PCDHGC3: variants seen among roughly 807,000 people sequenced by gnomAD.
PCDHGC3 encodes the protein protocadherin gamma subfamily C, 3, also known as protocadherin gamma-C3.
PCDHGC3 carries 26 observed loss-of-function variants against 59.2 expected under a neutral mutation model. The ratio of observed to expected loss-of-function variants is 0.44; its 90% CI spans 0.32 to 0.61. The LOEUF is 0.61. PCDHGC3 is among the 20% of genes least tolerant of loss of function. PCDHGC3 has a pLI of 0.05. For synonymous variants in PCDHGC3, 487 were observed against 519.7 expected (o/e 0.94, Z 0.86); for missense variants, 1,080 against 1,221.8 (o/e 0.88, Z 1.73).
At position 141,490,821 on chromosome 5, in the gene PCDHGC3, G is replaced by A. The variant is rs907584239; in HGVS notation, c.2431-3986G>A. On this transcript the variant is annotated intron_variant, in intron 1 of 3. Transcript: ENST00000308177. The surrounding 1 kb of genome is among the most constrained non-coding windows in gnomAD (Gnocchi z 5.4). ...AGCGTACCTTTGACTATGAATTGCT[G>A]CAGATGCTGCAGATTGTGGTGGGGG... 6.2e-7 allele frequency: 1 copy of A among 1,613,876 alleles called. No homozygotes were observed. Among genetic ancestry groups the A allele is most frequent in the Non-Finnish European group, 8.5e-7 (1 of 1,179,826 alleles).
Position 141,476,380 on chromosome 5 carries a change from G to C in PCDHGC3, c.264G>C (p.Val88=). 1 of 1,614,154 alleles carries C rather than the reference G, an allele frequency of 6.2e-7. No homozygotes were observed. The highest frequency in any genetic ancestry group is 8.5e-7 in the Non-Finnish European group (1 of 1,180,042). Residue 88 remains valine (V), a synonymous_variant, in exon 1 of 4, where the codon GTG becomes GTC. Coordinates refer to ENST00000308177, the MANE Select transcript of PCDHGC3 (RefSeq NM_002588.4). The surrounding 1 kb of genome is among the most constrained non-coding windows in gnomAD (Gnocchi z 7.6). ...EVNRETGEMF[V]NDRLDREELC... is the part of the protein sequence containing the mutation. ...ACCGGGAGACCGGAGAGATGTTTGT[G>C]AACGACCGTCTGGATCGAGAGGAGC... is the stretch of plus-strand genomic sequence containing the variant.
chr5:141,484,530 A>G (rs1406516272), intron 1 of PCDHGC3, among the ~76,000 whole-genome samples: 1 of 152,200 alleles, frequency 6.6e-6, no homozygotes, highest in East Asian at 1.9e-4. Context: ...TTTTGAGTAT[A>G]TGGCAGTGGT....
In PCDHGC3 at chr5:141,487,818, G is replaced by A. The variant is rs1009237001; in HGVS notation, c.2431-6989G>A. On this transcript the variant is annotated intron_variant, in intron 1 of 3. Coordinates refer to ENST00000308177, the MANE Select transcript of PCDHGC3 (RefSeq NM_002588.4). This position sits in a 1 kb window ranked among gnomAD's most constrained non-coding sequence, Gnocchi z 5.0. ...GAGTTGTCACAGTTTAGCATTGGGG[G>A]CGGGTCATGCCTATATCTGAGTAAG... The A allele has an allele frequency of 1.2e-4, 158 of 1,331,596 alleles. No homozygotes were observed. The highest frequency in any genetic ancestry group is 1.4e-4 in the Non-Finnish European group (140 of 970,524). 82.5% of individuals were successfully genotyped at this position (1,331,596 alleles called of 1,614,324 possible). A position where few individuals can be genotyped will look rare whatever the true frequency, so the allele number is the denominator to read the frequency against.
intron 1 of PCDHGC3, chr5:141,492,006 G>T (rs2099736069): frequency 7.8e-6 from 5 of 643,420 alleles, no homozygotes; most frequent in Non-Finnish European, 1.3e-5. Context: ...GGCGATTTCC[G>T]CGGGTGTCGG....
chr5:141,489,354 G>A lies in PCDHGC3; in HGVS notation c.2431-5453G>A, dbSNP rs773010251. On this transcript the variant is annotated intron_variant, in intron 1 of 3. Coordinates refer to ENST00000308177, the MANE Select transcript of PCDHGC3 (RefSeq NM_002588.4). The surrounding 1 kb of genome is among the most constrained non-coding windows in gnomAD (Gnocchi z 4.5). ...AGCTTCGTTACTCAGTGGTGGAGGA[G>A]TCTGAGCCGGGGACGCTGGTGGGGA... The A allele has an allele frequency of 1.2e-5, 19 of 1,612,796 alleles. No homozygotes were observed. Among genetic ancestry groups the A allele is most frequent in the East Asian group, 2.2e-5 (1 of 44,868 alleles).
At position 141,478,063 on chromosome 5, in the gene PCDHGC3, A is replaced by G; in HGVS notation, c.1947A>G (p.Lys649=). Residue 649 remains lysine, a synonymous_variant, in exon 1 of 4, where the codon AAA becomes AAG. Transcript: ENST00000308177. ...SPRQTLTVLI[K]DNGEPSLSTT... ...GGCAGACTCTCACGGTCTTGATCAAAGACAATGGGGAGCCTTCGCTCTCCA... is the reference window on the plus strand; with the variant it reads ...GGCAGACTCTCACGGTCTTGATCAAGGACAATGGGGAGCCTTCGCTCTCCA... 6.2e-7 allele frequency: 1 copy of G among 1,614,168 alleles called. No homozygotes were observed. The highest frequency in any genetic ancestry group is 8.5e-7 in the Non-Finnish European group (1 of 1,180,036).
chr5:141,502,667 T>G (rs2099815574), intron 2 of PCDHGC3, among the ~76,000 whole-genome samples: 1 of 152,236 alleles, frequency 6.6e-6, no homozygotes. Context: ...TTCATGCAAT[T>G]TTAGTATTCC....
At chr5:141,483,854 T>C (rs2154580004) in intron 1 of PCDHGC3, among the ~76,000 whole-genome samples, 1 of 152,236 alleles carries the variant, frequency 6.6e-6, no homozygotes, top group South Asian at 2.1e-4. Flanking sequence ...ATTAAGAAAT[T>C]TCATGTCCAG....
intron 1 of PCDHGC3, among the ~76,000 whole-genome samples, chr5:141,488,661 G>T (rs573211567): frequency 6.6e-6 from 1 of 152,246 alleles, no homozygotes; most frequent in African/African-American, 2.4e-5. Context: ...GGAGGGTGGG[G>T]GAATACATGG....
chr5:141,487,058 C>T lies in PCDHGC3; in HGVS notation c.2431-7749C>T, dbSNP rs775720601. 23 of 1,613,980 alleles carry T rather than the reference C, an allele frequency of 1.4e-5. No individual in the cohort carries two copies. The highest frequency in any genetic ancestry group is 1.0e-4 in the Admixed American group (6 of 59,996). ...AGTCTCTCGATATGCTGGGGAGGTGCGGACGGCTGTTCCTATCCCAGCTGA... is the reference window on the plus strand; with the variant it reads ...AGTCTCTCGATATGCTGGGGAGGTGTGGACGGCTGTTCCTATCCCAGCTGA... On this transcript the variant is annotated intron_variant, in intron 1 of 3. Transcript: ENST00000308177. The surrounding 1 kb of genome is among the most constrained non-coding windows in gnomAD (Gnocchi z 5.0).
At chr5:141,505,081 G>A (rs2099843521) in intron 2 of PCDHGC3, among the ~76,000 whole-genome samples, 3 of 152,146 alleles carry the variant, frequency 2.0e-5, no homozygotes, top group Admixed American at 2.0e-4. Flanking sequence ...AGAATCGCTT[G>A]AACCCAGGAG....
intron 2 of PCDHGC3, among the ~76,000 whole-genome samples, chr5:141,504,355 C>T (rs974022699): frequency 6.6e-6 from 1 of 152,078 alleles, no homozygotes; most frequent in Non-Finnish European, 1.5e-5. Flanking sequence ...GTGCTAGGTG[C>T]TTCAGTAGGA....
rs757924501 is a variant in PCDHGC3, at chr5:141,490,548, A to G, written c.2431-4259A>G. 1.2e-6 allele frequency: 2 copies of G among 1,614,084 alleles called. No individual in the cohort carries two copies. Among genetic ancestry groups the G allele is most frequent in the South Asian group, 2.2e-5 (2 of 91,080 alleles). ...ATGCTGGTTCACCTTCCCTACACAA[A>G]CATCTCACCATCAGGCTCAACATTT... On this transcript the variant is annotated intron_variant, in intron 1 of 3. Transcript: ENST00000308177. This position sits in a 1 kb window ranked among gnomAD's most constrained non-coding sequence, Gnocchi z 5.4.
chr5:141,499,275 C>T (rs1259707742), intron 2 of PCDHGC3, among the ~76,000 whole-genome samples: 1 of 152,178 alleles, frequency 6.6e-6, no homozygotes, highest in African/African-American at 2.4e-5. Flanking sequence ...CTAGACTGTT[C>T]TCTGATGGCT....
chr5:141,485,060 G>C lies in PCDHGC3; in HGVS notation c.2430+6514G>C. ...ACCCTTGCGGCGCCGGCCGAACCGCGCCAGAGCTGGCGCGGGGAAAGGGAG... is the reference window on the plus strand; with the variant it reads ...ACCCTTGCGGCGCCGGCCGAACCGCCCCAGAGCTGGCGCGGGGAAAGGGAG... On this transcript the variant is annotated intron_variant, in intron 1 of 3. Transcript: ENST00000308177. This position sits in a 1 kb window ranked among gnomAD's most constrained non-coding sequence, Gnocchi z 5.7. 1 of 862,304 alleles carries C rather than the reference G, an allele frequency of 1.2e-6. No individual in the cohort carries two copies. The highest frequency in any genetic ancestry group is 1.9e-6 in the Non-Finnish European group (1 of 540,422). 53.4% of individuals were successfully genotyped at this position (862,304 alleles called of 1,614,324 possible).
intron 1 of PCDHGC3, 51 bp downstream of exon 1, chr5:141,478,597 C>T: frequency 6.4e-7 from 1 of 1,567,010 alleles, no homozygotes; most frequent in Non-Finnish European, 8.7e-7. Flanking sequence ...TTTATTCCTA[C>T]ATCATATTGA....
rs758172004 is a variant in PCDHGC3, at chr5:141,477,909, C to T, written c.1793C>T (p.Ala598Val). Residue 598 changes from alanine to valine, a missense_variant, in exon 1 of 4, where the codon GCG becomes GTG. Transcript: ENST00000308177. This position sits in a 1 kb window ranked among gnomAD's most constrained non-coding sequence, Gnocchi z 4.9. ...HLVSRVVGWD[A>V]DAGHNAWLSY... ...GTGTCACGGGTGGTAGGCTGGGACGCGGATGCAGGGCACAATGCCTGGCTC... is the reference window on the plus strand; with the variant it reads ...GTGTCACGGGTGGTAGGCTGGGACGTGGATGCAGGGCACAATGCCTGGCTC... 2 of 1,614,166 alleles carry T rather than the reference C, an allele frequency of 1.2e-6. No individual in the cohort carries two copies. Among genetic ancestry groups the T allele is most frequent in the Admixed American group, 1.7e-5 (1 of 60,016 alleles).
Position 141,485,987 on chromosome 5 carries a change from G to T in PCDHGC3, c.2430+7441G>T. 1 of 1,614,170 alleles carries T rather than the reference G, an allele frequency of 6.2e-7. No homozygotes were observed. On this transcript the variant is annotated intron_variant, in intron 1 of 3. Transcript: ENST00000308177. The surrounding 1 kb of genome is among the most constrained non-coding windows in gnomAD (Gnocchi z 5.7). ...GCTCAATGCCTCAGACCCGGACCTG[G>T]GTCCCAGTGGTAACGTCACCTTTTA...
chr5:141,490,715 C>G lies in PCDHGC3; in HGVS notation c.2431-4092C>G, dbSNP rs757619272. The stretch of plus-strand genomic sequence containing the variant: ...GGGGATAATGCCCGCCTCACCTACT[C>G]CATTGTAGGAAATCAGGTTCAGGGA... On this transcript the variant is annotated intron_variant, in intron 1 of 3. Coordinates refer to ENST00000308177, the MANE Select transcript of PCDHGC3 (RefSeq NM_002588.4). This position sits in a 1 kb window ranked among gnomAD's most constrained non-coding sequence, Gnocchi z 5.4. 14 of 1,614,130 alleles carry G rather than the reference C, an allele frequency of 8.7e-6. No individual in the cohort carries two copies. Among genetic ancestry groups the G allele is most frequent in the Non-Finnish European group, 1.1e-5 (13 of 1,179,978 alleles).
Sources: gnomAD v4.1 joint callset for allele counts (sites outside exome capture counted in the v4.1 genomes callset) on GRCh38, gnomAD v4.1.1 for gene constraint, Gnocchi (gnomAD v3.1) non-coding constraint, MANE v1.5 for transcripts, NCBI Gene and HGNC (gene_info 2026-07-23, HGNC 2026-07-21) for gene names.